Variants in SMARCC1 observed in about 807,000 individuals in gnomAD.
SMARCC1 encodes SWI/SNF related BAF chromatin remodeling complex subunit C1.
In SMARCC1, 43 loss-of-function variants were observed where a neutral mutation model predicts 147.4. The observed-to-expected ratio is 0.29, with a 90% CI of 0.23 to 0.38. The LOEUF (loss-of-function observed/expected upper bound fraction) is 0.38. SMARCC1 is among the 10% of genes least tolerant of loss of function. The probability of loss-of-function intolerance (pLI) is 1.00; values close to 1 mark genes in which losing one functional copy is unlikely to be tolerated. For synonymous variants in SMARCC1, 495 were observed against 484.4 expected, an observed-to-expected ratio of 1.02 and a Z score of -0.29; for missense variants, 1,119 against 1,381.1, an observed-to-expected ratio of 0.81 and a Z score of 3.01.
chr3:47,625,220 G>A (rs74801519), intron 24 of SMARCC1, among the ~76,000 whole-genome samples: 9,512 of 151,270 alleles, frequency 0.063, 418 homozygotes, highest in Non-Finnish European at 0.094. Flanking sequence ...AGCACTTCAG[G>A]AAGCCGAGGT....
chr3:47,697,389 CT>C (rs2033866792), intron 11 of SMARCC1, among the ~76,000 whole-genome samples: 1 of 151,746 alleles, frequency 6.6e-6, no homozygotes, highest in South Asian at 2.1e-4. Flanking sequence ...CAACCTCCGC[CT>C]CCCGGGTTCA....
intron 3 of SMARCC1, among the ~76,000 whole-genome samples, chr3:47,740,797 A>T (rs2034500357): frequency 6.6e-6 from 1 of 151,330 alleles, no homozygotes; most frequent in South Asian, 2.1e-4. Flanking sequence ...GCAGCTTTAC[A>T]GAGCAAACTA....
intron 6 of SMARCC1, among the ~76,000 whole-genome samples, chr3:47,727,524 T>C (rs1050630363): frequency 6.6e-6 from 1 of 151,982 alleles, no homozygotes; most frequent in Non-Finnish European, 1.5e-5. Flanking sequence ...AAAATTGTAC[T>C]GTGTGTACAT....
intron 2 of SMARCC1, 99 bp from the exon 3 acceptor site, chr3:47,746,092 T>A: frequency 1.5e-6 from 1 of 689,314 alleles, no homozygotes; most frequent in South Asian, 2.3e-5. Flanking sequence ...TATAAACAAA[T>A]ACTAATTAAA....
intron 22 of SMARCC1, among the ~76,000 whole-genome samples, chr3:47,637,495 T>A (rs944592694): frequency 6.6e-5 from 10 of 152,164 alleles, no homozygotes; most frequent in African/African-American, 2.4e-4. Context: ...GTGGATCACC[T>A]GAGGTCAGGA....
intron 14 of SMARCC1, among the ~76,000 whole-genome samples, chr3:47,684,101 G>A (rs1321037580): frequency 2.6e-5 from 4 of 151,640 alleles, no homozygotes; most frequent in African/African-American, 7.2e-5. Flanking sequence ...TTAGCCGGGC[G>A]TAGTGGCGGG....
chr3:47,734,123 G>C (rs1576425875), intron 5 of SMARCC1, among the ~76,000 whole-genome samples: 1 of 152,066 alleles, frequency 6.6e-6, no homozygotes, highest in Admixed American at 6.6e-5. Context: ...GTGACAAAAA[G>C]AGTAGGTAAT....
chr3:47,781,097 G>C (rs2106887172), intron 1 of SMARCC1, among the ~76,000 whole-genome samples: 1 of 152,276 alleles, frequency 6.6e-6, no homozygotes, highest in South Asian at 2.1e-4. Flanking sequence ...CGATGAGGTA[G>C]AACCGTCGTT....
chr3:47,605,324 CATA>C (rs990063913), intron 26 of SMARCC1, among the ~76,000 whole-genome samples: 7 of 152,160 alleles, frequency 4.6e-5, no homozygotes, highest in African/African-American at 9.7e-5. Context: ...ACAAACTATT[CATA>C]ATAACTAAAA....
chr3:47,757,911 C>G lies in SMARCC1; in HGVS notation c.316-11918G>C, dbSNP rs532048407. Among the ~76,000 whole-genome samples, 207 of 152,108 alleles carry G rather than the reference C, an allele frequency of 1.4e-3. 1 individual carries two copies. The highest frequency in any genetic ancestry group is 4.7e-3 in the African/African-American group (195 of 41,518). On this transcript the variant is annotated intron_variant, in intron 2 of 27. Transcript: ENST00000254480. Reference sequence around the variant, plus strand: ...GCAACATCTACTAAAGTTGACCAACCTATGACATAGCAAGTAAACTCTTAA... The same window carrying G: ...GCAACATCTACTAAAGTTGACCAACGTATGACATAGCAAGTAAACTCTTAA...
intron 21 of SMARCC1, among the ~76,000 whole-genome samples, chr3:47,640,418 A>T (rs933873620): frequency 2.0e-5 from 3 of 152,122 alleles, no homozygotes; most frequent in Non-Finnish European, 4.4e-5. Context: ...AAAGCTCATG[A>T]CAGAACAAGG....
chr3:47,751,522 C>A (rs1055141064), intron 2 of SMARCC1, among the ~76,000 whole-genome samples: 40 of 149,950 alleles, frequency 2.7e-4, no homozygotes, highest in Non-Finnish European at 4.4e-4. Flanking sequence ...GCCTGGGCAA[C>A]AGAGCAAGAC....
chr3:47,682,158 G>C (rs971728599), intron 14 of SMARCC1, among the ~76,000 whole-genome samples: 1 of 151,824 alleles, frequency 6.6e-6, no homozygotes, highest in Non-Finnish European at 1.5e-5. Context: ...AGCCGGGCAT[G>C]GTGTTGGGTG....
intron 11 of SMARCC1, among the ~76,000 whole-genome samples, chr3:47,694,437 C>T (rs2033824316): frequency 6.6e-6 from 1 of 152,072 alleles, no homozygotes; most frequent in Non-Finnish European, 1.5e-5. Context: ...TCTGTCTGTA[C>T]TAAAATACAA....
intron 21 of SMARCC1, among the ~76,000 whole-genome samples, chr3:47,657,501 A>G (rs1381769032): frequency 2.6e-5 from 4 of 152,190 alleles, no homozygotes; most frequent in African/African-American, 9.7e-5. Flanking sequence ...CACAACAGAA[A>G]TTACAAAGTA....
chr3:47,598,908 G>C (rs562918831), intron 26 of SMARCC1, among the ~76,000 whole-genome samples: 1 of 150,644 alleles, frequency 6.6e-6, no homozygotes, highest in Admixed American at 6.6e-5. Context: ...GACAGAGAGA[G>C]AAGAAGGTGA....
intron 2 of SMARCC1, among the ~76,000 whole-genome samples, chr3:47,746,809 C>A (rs2034569334): frequency 6.7e-6 from 1 of 148,888 alleles, no homozygotes; most frequent in African/African-American, 2.5e-5. Flanking sequence ...CGGCTCACTG[C>A]AACCTACGCC....
chr3:47,780,498 C>T (rs2035033447), intron 1 of SMARCC1, among the ~76,000 whole-genome samples: 1 of 152,074 alleles, frequency 6.6e-6, no homozygotes, highest in African/African-American at 2.4e-5. Context: ...ACCCAAGATC[C>T]CTGCCCATGC....
chr3:47,676,236 C>T (rs2033571143), intron 17 of SMARCC1, among the ~76,000 whole-genome samples: 1 of 152,088 alleles, frequency 6.6e-6, no homozygotes, highest in South Asian at 2.1e-4. Flanking sequence ...ATACACTTTA[C>T]AAATCTTAGG....
Sources: gnomAD v4.1 joint callset for allele counts (sites outside exome capture counted in the v4.1 genomes callset) on GRCh38, gnomAD v4.1.1 for gene constraint, MANE v1.5 for transcripts, NCBI Gene and HGNC (gene_info 2026-07-23, HGNC 2026-07-21) for gene names.